STARD3NL: variants seen among roughly 807,000 people sequenced by gnomAD.
STARD3NL encodes STARD3 N-terminal-like protein.
A neutral mutation model predicts 30.9 loss-of-function variants in STARD3NL; 17 were observed. The ratio of observed to expected loss-of-function variants is 0.55; its 90% confidence interval spans 0.38 to 0.82. STARD3NL has a LOEUF of 0.82. Among genes scored for constraint, STARD3NL ranks in the 40% least tolerant of loss-of-function variants. The pLI is 0.00. For missense variants in STARD3NL, 234 were observed against 277.6 expected (o/e 0.84, Z 1.12); for synonymous variants, 112 against 100.5 (o/e 1.11, Z -0.69).
chr7:38,178,394 G>A lies in STARD3NL; in HGVS notation c.-85G>A, dbSNP rs1784102820. 6.6e-6 allele frequency: 1 copy of A among 152,236 alleles called. No individual in the cohort carries two copies. Among genetic ancestry groups the A allele is most frequent in the Non-Finnish European group, 1.5e-5 (1 of 68,058 alleles). 9.4% of individuals were successfully genotyped at this position (152,236 alleles called of 1,614,324 possible). A position where few individuals can be genotyped will look rare whatever the true frequency, so the allele number is the denominator to read the frequency against. ...TCCGCAGTTCCCGGGCCAGCCTGGGGCGGCCGGCCAGGAACCACCCGTTAA... is the reference window on the plus strand; with the variant it reads ...TCCGCAGTTCCCGGGCCAGCCTGGGACGGCCGGCCAGGAACCACCCGTTAA... On this transcript the variant is annotated 5_prime_UTR_variant, in exon 1 of 9. Transcript: ENST00000009041.
At chr7:38,210,703 C>G (rs990170110) in intron 2 of STARD3NL, among the ~76,000 whole-genome samples, 13 of 152,302 alleles carry the variant, frequency 8.5e-5, no homozygotes, top group African/African-American at 2.6e-4. Flanking sequence ...CTCCTACACT[C>G]TGTAGACAGT....
rs2116246654 is a variant in STARD3NL, at chr7:38,207,749, A to G, written c.225+20A>G. ...TTAAATGTAAGTTGGTGGTTCTTTC[A>G]TAACTTTTTAAGAAGTGTTTCCAGA... is the stretch of plus-strand genomic sequence containing the variant. On this transcript the variant is annotated intron_variant, in intron 2 of 8. Transcript: ENST00000009041. The G allele has an allele frequency of 3.1e-6, 5 of 1,607,376 alleles. No homozygotes were observed. The highest frequency in any genetic ancestry group is 2.2e-5 in the South Asian group (2 of 90,646).
chr7:38,224,731 C>T, intron 7 of STARD3NL, among the ~76,000 whole-genome samples: 1 of 152,062 alleles, frequency 6.6e-6, no homozygotes, highest in African/African-American at 2.4e-5. Context: ...TTTCACTTAA[C>T]AATGGCAAAG....
chr7:38,213,382 TG>T (rs1302053342), intron 2 of STARD3NL, among the ~76,000 whole-genome samples: 2 of 152,234 alleles, frequency 1.3e-5, no homozygotes, highest in Non-Finnish European at 2.9e-5. Context: ...ATAGTATTTA[TG>T]GTATGCTTTC....
intron 1 of STARD3NL, among the ~76,000 whole-genome samples, chr7:38,189,797 G>A (rs914330116): frequency 8.5e-5 from 13 of 152,110 alleles, no homozygotes; most frequent in African/African-American, 2.9e-4. Context: ...GAATGATTTG[G>A]GTATCTGGAA....
rs1785640970 is a variant in STARD3NL, at chr7:38,208,958, C to G, written c.225+1229C>G. Among the ~76,000 whole-genome samples the G allele has an allele frequency of 2.6e-5, 4 of 152,058 alleles. No homozygotes were observed. The South Asian group carries it at 8.3e-4, about 32-fold the overall frequency. ...ATCTCATTTAATTTCATCATGAATC[C>G]TAATAGAGGAACTAAACTCGTTATG... On this transcript the variant is annotated intron_variant, in intron 2 of 8. Coordinates refer to ENST00000009041, the MANE Select transcript of STARD3NL (RefSeq NM_032016.4).
rs369452348 is a variant in STARD3NL at position 38,203,599 on chromosome 7, T to A, written c.-58-3848T>A. On this transcript the variant is annotated intron_variant, in intron 1 of 8. Coordinates refer to ENST00000009041, the MANE Select transcript of STARD3NL (RefSeq NM_032016.4). ...CGAGCAAAATAACCAGCTAACATCATAATGACAGGATCAAATTCACACATA... is the reference window on the plus strand; with the variant it reads ...CGAGCAAAATAACCAGCTAACATCAAAATGACAGGATCAAATTCACACATA... 1.1e-4 allele frequency among the ~76,000 whole-genome samples: 17 copies of A among 152,254 alleles called. No individual in the cohort carries two copies. In the East Asian group the frequency reaches 2.7e-3, roughly 24 times the overall value.
intron 4 of STARD3NL, 174 bp from the exon 5 acceptor site, chr7:38,216,851 G>A: frequency 1.6e-6 from 1 of 640,902 alleles, no homozygotes; most frequent in Non-Finnish European, 2.7e-6. Flanking sequence ...AGCCCATTTT[G>A]CCCCAGTGTG....
intron 6 of STARD3NL, among the ~76,000 whole-genome samples, chr7:38,217,549 C>G (rs1786197006): frequency 6.6e-6 from 1 of 152,206 alleles, no homozygotes; most frequent in Non-Finnish European, 1.5e-5. Flanking sequence ...AATGTGAACA[C>G]TGGTGAAAAG....
intron 1 of STARD3NL, among the ~76,000 whole-genome samples, chr7:38,193,264 T>A (rs1784764319): frequency 6.7e-6 from 1 of 150,244 alleles, no homozygotes; most frequent in South Asian, 2.1e-4. Context: ...ATGTCTGTCC[T>A]CCTATTAGGA....
intron 1 of STARD3NL, among the ~76,000 whole-genome samples, chr7:38,191,914 A>T (rs1784702636): frequency 6.6e-6 from 1 of 152,002 alleles, no homozygotes; most frequent in East Asian, 1.9e-4. Flanking sequence ...TTCTATTAAA[A>T]AAAAAAGCAT....
intron 1 of STARD3NL, among the ~76,000 whole-genome samples, chr7:38,197,136 TTTTCTTTC>T (rs56319128): frequency 0.014 from 1,585 of 112,350 alleles, 29 homozygotes; most frequent in African/African-American, 0.046. Context: ...GCATTACCTT[TTTTCTTTC>T]TTTCTTTCTT....
At chr7:38,180,024 G>A (rs1189846732) in intron 1 of STARD3NL, among the ~76,000 whole-genome samples, 2 of 152,232 alleles carry the variant, frequency 1.3e-5, no homozygotes, top group African/African-American at 2.4e-5. Context: ...AGGTGACACT[G>A]GAGAGGTGTA....
chr7:38,190,814 C>T (rs1011435441), intron 1 of STARD3NL, among the ~76,000 whole-genome samples: 2 of 152,194 alleles, frequency 1.3e-5, no homozygotes, highest in African/African-American at 4.8e-5. Flanking sequence ...ATTGACTTCT[C>T]TGAAGAGTCC....
rs1436708034 is a variant in STARD3NL, at chr7:38,219,722, C to T, written c.649+62C>T. The stretch of plus-strand genomic sequence containing the variant: ...CATTCAAAGGCTCTGCTCTTCCTTC[C>T]TTTCCCTACCCCCTCTGTTTCTCAA... On this transcript the variant is annotated intron_variant, in intron 7 of 8. Coordinates refer to ENST00000009041, the MANE Select transcript of STARD3NL (RefSeq NM_032016.4). 1.3e-5 allele frequency: 17 copies of T among 1,358,868 alleles called. 1 individual carries two copies. Among genetic ancestry groups the T allele is most frequent in the Admixed American group, 1.7e-5 (1 of 59,068 alleles). The allele number at this position is 1,358,868 out of a possible 1,614,324, so 84.2% of individuals were successfully genotyped here. A position where few individuals can be genotyped will look rare whatever the true frequency, so the allele number is the denominator to read the frequency against.
At chr7:38,202,855 A>T (rs1785254009) in intron 1 of STARD3NL, among the ~76,000 whole-genome samples, 1 of 151,452 alleles carries the variant, frequency 6.6e-6, no homozygotes, top group Non-Finnish European at 1.5e-5. Flanking sequence ...TAGTTTGCTG[A>T]GAATGATGGT....
chr7:38,187,870 A>G (rs1784525356), intron 1 of STARD3NL, among the ~76,000 whole-genome samples: 1 of 152,072 alleles, frequency 6.6e-6, no homozygotes, highest in African/African-American at 2.4e-5. Context: ...CCATCCTTCC[A>G]GTTTCTCAAG....
chr7:38,226,160 T>TTTG (rs1283901805), intron 7 of STARD3NL, among the ~76,000 whole-genome samples: 1 of 132,472 alleles, frequency 7.5e-6, no homozygotes, highest in African/African-American at 2.8e-5. Context: ...TTGTTTTTTT[T>TTTG]TTTTTTTTTT....
intron 1 of STARD3NL, among the ~76,000 whole-genome samples, chr7:38,191,488 C>T (rs1203644644): frequency 6.6e-6 from 1 of 152,006 alleles, no homozygotes; most frequent in Non-Finnish European, 1.5e-5. Flanking sequence ...AAAAAATTGT[C>T]CTACACATTC....
Sources: allele counts gnomAD v4.1 joint callset (sites outside exome capture counted in the v4.1 genomes callset), GRCh38; gene constraint gnomAD v4.1.1; transcripts MANE v1.5; gene names NCBI Gene and HGNC (gene_info 2026-07-23, HGNC 2026-07-21).